The following LDLRAD4 variants were observed in gnomAD, a reference collection of about 807,000 sequenced individuals.
The protein encoded by LDLRAD4 is low density lipoprotein receptor class A domain containing 4, also known as low-density lipoprotein receptor class A domain-containing protein 4.
In LDLRAD4, 5 loss-of-function variants were observed where a neutral mutation model predicts 17.0. The ratio of observed to expected loss-of-function variants is 0.29; its 90% CI spans 0.15 to 0.62. The LOEUF (loss-of-function observed/expected upper bound fraction) is 0.62. LDLRAD4 is among the 20% of genes least tolerant of loss of function. LDLRAD4 has a pLI of 0.84. For missense variants in LDLRAD4, 340 were observed against 424.7 expected, an observed-to-expected ratio of 0.80 and a Z score of 1.75; for synonymous variants, 168 against 171.8, an observed-to-expected ratio of 0.98 and a Z score of 0.17.
At chr18:13,634,299 A>T (rs550444678) in intron 4 of LDLRAD4, among the ~76,000 whole-genome samples, 1 of 152,254 alleles carries the variant, frequency 6.6e-6, no homozygotes, top group Non-Finnish European at 1.5e-5. Flanking sequence ...ACATGACCTT[A>T]TGTGTAAAAA....
At chr18:13,429,457 A>G (rs2090179385) in intron 2 of LDLRAD4, among the ~76,000 whole-genome samples, 1 of 152,186 alleles carries the variant, frequency 6.6e-6, no homozygotes, top group South Asian at 2.1e-4. Context: ...TTGTTGATAT[A>G]ATCAGTGTGT....
intron 3 of LDLRAD4, among the ~76,000 whole-genome samples, chr18:13,484,901 G>A (rs553149547): frequency 1.3e-5 from 2 of 152,304 alleles, no homozygotes; most frequent in African/African-American, 4.8e-5. Flanking sequence ...ATTATTAGAT[G>A]TATTTAACAT....
chr18:13,494,245 C>T (rs1280120011), intron 3 of LDLRAD4, among the ~76,000 whole-genome samples: 1 of 152,112 alleles, frequency 6.6e-6, no homozygotes, highest in Non-Finnish European at 1.5e-5. Flanking sequence ...CATATATTCA[C>T]CGAGAGAGGA....
At chr18:13,602,204 G>C (rs551203745) in intron 3 of LDLRAD4, among the ~76,000 whole-genome samples, 3 of 152,124 alleles carry the variant, frequency 2.0e-5, no homozygotes, top group African/African-American at 7.2e-5. Flanking sequence ...ACTTCCTATC[G>C]GGTATTATGC....
chr18:13,430,322 C>T (rs755718136), intron 2 of LDLRAD4, among the ~76,000 whole-genome samples: 3 of 152,218 alleles, frequency 2.0e-5, no homozygotes, highest in Non-Finnish European at 4.4e-5. Flanking sequence ...ATTGATGCTG[C>T]TTTCTCTGCA....
chr18:13,375,468 G>T (rs893653151), intron 1 of LDLRAD4, among the ~76,000 whole-genome samples: 1 of 152,134 alleles, frequency 6.6e-6, no homozygotes, highest in Non-Finnish European at 1.5e-5. Flanking sequence ...CCTGTGGCTC[G>T]GCAGTGCGAG....
intron 3 of LDLRAD4, among the ~76,000 whole-genome samples, chr18:13,447,655 G>T (rs1410060766): frequency 6.6e-6 from 1 of 152,204 alleles, no homozygotes; most frequent in African/African-American, 2.4e-5. Flanking sequence ...GTCTAGCGTG[G>T]ATGTTAATGA....
chr18:13,260,625 C>T (rs1347920428), intron 1 of LDLRAD4, among the ~76,000 whole-genome samples: 1 of 152,152 alleles, frequency 6.6e-6, no homozygotes, highest in Non-Finnish European at 1.5e-5. Flanking sequence ...TTCCTTTTTC[C>T]TGTTGCTTTA....
At chr18:13,630,899 T>C (rs998463766) in intron 4 of LDLRAD4, among the ~76,000 whole-genome samples, 1 of 152,210 alleles carries the variant, frequency 6.6e-6, no homozygotes, top group African/African-American at 2.4e-5. Flanking sequence ...ATTTTCCAGC[T>C]CTCTAAGAGG....
At chr18:13,444,942 A>C (rs967457441) in intron 3 of LDLRAD4, among the ~76,000 whole-genome samples, 1 of 152,230 alleles carries the variant, frequency 6.6e-6, no homozygotes, top group African/African-American at 2.4e-5. Context: ...AAAAGACTAC[A>C]TAAGGCTGGT....
At chr18:13,237,485 C>T (rs1051429875) in intron 1 of LDLRAD4, among the ~76,000 whole-genome samples, 3 of 152,298 alleles carry the variant, frequency 2.0e-5, no homozygotes, top group African/African-American at 7.2e-5. Context: ...TTTGTTCTTG[C>T]ATTGGAGACA....
chr18:13,357,129 A>G (rs532849727), intron 1 of LDLRAD4, among the ~76,000 whole-genome samples: 1 of 152,328 alleles, frequency 6.6e-6, no homozygotes, highest in African/African-American at 2.4e-5. Context: ...GCGAGACTGC[A>G]TCTCAAAACA....
chr18:13,535,284 C>T lies in LDLRAD4; in HGVS notation c.182-85833C>T, dbSNP rs753409627. 8.5e-5 allele frequency among the ~76,000 whole-genome samples: 13 copies of T among 152,150 alleles called. No homozygotes were observed. The South Asian group carries it at 2.5e-3, about 29-fold the overall frequency. On this transcript the variant is annotated intron_variant, in intron 3 of 5. Transcript: ENST00000359446. ...TGGCTTTAACATTTTGTATTCCAGCCAGCAATGAATGGGGGTTCTGATTGA... is the reference window on the plus strand; with the variant it reads ...TGGCTTTAACATTTTGTATTCCAGCTAGCAATGAATGGGGGTTCTGATTGA...
rs967699277 is a variant in LDLRAD4 at position 13,545,228 on chromosome 18, C to G, written c.182-75889C>G. ...CTCTGAAGGGCTGCGTGTTTTTGAT[C>G]TTGCTCCCCGAGCCCCAGCCTCTTT... On this transcript the variant is annotated intron_variant, in intron 3 of 5. Transcript: ENST00000359446. Among the ~76,000 whole-genome samples, 3 of 152,082 alleles carry G rather than the reference C, an allele frequency of 2.0e-5. 1 individual carries two copies. In the South Asian group the frequency reaches 6.2e-4, roughly 32 times the overall value.
chr18:13,311,996 TA>T (rs561169132), intron 1 of LDLRAD4, among the ~76,000 whole-genome samples: 10 of 152,216 alleles, frequency 6.6e-5, no homozygotes, highest in Admixed American at 5.2e-4. Flanking sequence ...CACACCCGGC[TA>T]TTTTTTCTTT....
At chr18:13,625,273 A>G (rs2041027697) in intron 4 of LDLRAD4, among the ~76,000 whole-genome samples, 2 of 152,204 alleles carry the variant, frequency 1.3e-5, no homozygotes, top group Admixed American at 1.3e-4. Flanking sequence ...ATTAGGCTTC[A>G]CACTCTGATT....
At chr18:13,476,933 C>G (rs188326610) in intron 3 of LDLRAD4, among the ~76,000 whole-genome samples, 1 of 152,266 alleles carries the variant, frequency 6.6e-6, no homozygotes, top group East Asian at 1.9e-4. Context: ...ATGGACTATG[C>G]CTTTTATCTG....
chr18:13,651,551 T>C (rs747791609), exon 6 of LDLRAD4: 4 of 152,238 alleles, frequency 2.6e-5, no homozygotes, highest in Non-Finnish European at 5.9e-5. Flanking sequence ...TTGGATTGTA[T>C]ATTGTTACAT....
chr18:13,585,980 A>G (rs1257092541), intron 3 of LDLRAD4, among the ~76,000 whole-genome samples: 5 of 152,218 alleles, frequency 3.3e-5, no homozygotes, highest in African/African-American at 1.2e-4. Context: ...AAACAGATCA[A>G]AAATATTTCG....
Sources: gnomAD v4.1 joint callset for allele counts (sites outside exome capture counted in the v4.1 genomes callset) on GRCh38, gnomAD v4.1.1 for gene constraint, MANE v1.5 for transcripts, NCBI Gene and HGNC (gene_info 2026-07-23, HGNC 2026-07-21) for gene names.